Variants in LDB3 observed in about 807,000 individuals in gnomAD.
The protein encoded by LDB3 is LIM domain-binding protein 3.
A neutral mutation model predicts 69.0 loss-of-function variants in LDB3; 49 were observed. That is an observed-to-expected ratio of 0.71 (90% CI 0.56 to 0.90). LDB3 has a LOEUF of 0.90. Among genes scored for constraint, LDB3 ranks in the 40% least tolerant of loss-of-function variants. LDB3 has a pLI of 0.00. For missense variants in LDB3, 928 were observed against 974.1 expected (o/e 0.95, Z 0.63); for synonymous variants, 387 against 396.2 (o/e 0.98, Z 0.28).
chr10:86,706,557 G>C lies in LDB3; in HGVS notation c.923G>C (p.Cys308Ser), dbSNP rs1846451229. The change falls in exon 8 of 14, where the codon TGC becomes TCC. Residue 308 changes from cysteine to serine, a missense_variant. Cys to Ser is a moderately radical substitution (Grantham distance 112). Transcript: ENST00000361373. ...SSTPIEHAPV[C>S]TSQATTPLLP... is the part of the protein sequence containing the mutation. Reference sequence around the variant, plus strand: ...ACCCCTATTGAGCATGCGCCGGTGTGCACCAGCCAGGCCACCACCCCGCTG... The same window carrying C: ...ACCCCTATTGAGCATGCGCCGGTGTCCACCAGCCAGGCCACCACCCCGCTG... The C allele has an allele frequency of 6.2e-7, 1 of 1,612,884 alleles. No homozygotes were observed. Among genetic ancestry groups the C allele is most frequent in the African/African-American group, 1.3e-5 (1 of 75,032 alleles).
intron 4 of LDB3, among the ~76,000 whole-genome samples, chr10:86,680,976 C>T (rs1297215309): frequency 6.6e-6 from 1 of 152,226 alleles, no homozygotes. Context: ...ATGTGAGCTA[C>T]CCAATTCCTC....
In LDB3 at chr10:86,718,220, G is replaced by A. The variant is rs1403302878; in HGVS notation, c.1857+76G>A. ...TCCCCAAGATCGTGGGATCCCATTA[G>A]GAAGCCAAGAAGTTGCTGGTAACAG... On this transcript the variant is annotated intron_variant, in intron 11 of 13. Transcript: ENST00000361373. 1.3e-5 allele frequency: 18 copies of A among 1,426,508 alleles called. No individual in the cohort carries two copies. The East Asian group carries it at 2.7e-4, about 22-fold the overall frequency. 88.4% of individuals were successfully genotyped at this position (1,426,508 alleles called of 1,614,324 possible). A position where few individuals can be genotyped will look rare whatever the true frequency, so the allele number is the denominator to read the frequency against.
intron 2 of LDB3, among the ~76,000 whole-genome samples, chr10:86,675,421 T>G (rs1415297209): frequency 6.6e-6 from 1 of 152,266 alleles, no homozygotes; most frequent in Non-Finnish European, 1.5e-5. Flanking sequence ...CATCATGATC[T>G]TCTGGACACA....
intron 8 of LDB3, 116 bp downstream of exon 8, chr10:86,706,835 G>A: frequency 1.8e-6 from 2 of 1,108,356 alleles, no homozygotes; most frequent in Admixed American, 2.3e-5. Flanking sequence ...CAGGCCTAGA[G>A]GAAGCCAAGG....
intron 3 of LDB3, 74 bp downstream of exon 3, chr10:86,679,592 G>A: frequency 1.9e-6 from 3 of 1,539,950 alleles, no homozygotes; most frequent in Admixed American, 1.7e-5. Flanking sequence ...AAGAGGGATT[G>A]TCCCATAGCA....
chr10:86,704,668 C>T (rs1176501631), intron 7 of LDB3, among the ~76,000 whole-genome samples: 2 of 151,822 alleles, frequency 1.3e-5, no homozygotes, highest in African/African-American at 4.8e-5. Context: ...CAAGCTCCAC[C>T]TCCTGGGTTC....
chr10:86,676,199 C>T (rs1201136731), intron 2 of LDB3, among the ~76,000 whole-genome samples: 1 of 152,170 alleles, frequency 6.6e-6, no homozygotes, highest in African/African-American at 2.4e-5. Context: ...TCTATATTGT[C>T]CTTTCCTGTC....
At chr10:86,688,270 A>T (rs1172125042) in intron 5 of LDB3, among the ~76,000 whole-genome samples, 1 of 152,198 alleles carries the variant, frequency 6.6e-6, no homozygotes, top group Non-Finnish European at 1.5e-5. Flanking sequence ...TTCCAAAGCC[A>T]GAAAAACCGA....
chr10:86,687,069 C>A, intron 5 of LDB3: 1 of 1,613,896 alleles, frequency 6.2e-7, no homozygotes, highest in Non-Finnish European at 8.5e-7. Flanking sequence ...CCTCCCCCAG[C>A]GCCGACTACC....
chr10:86,684,934 G>C (rs979660431), intron 5 of LDB3, among the ~76,000 whole-genome samples: 2 of 152,232 alleles, frequency 1.3e-5, no homozygotes, highest in African/African-American at 4.8e-5. Flanking sequence ...TCTCAGGTCA[G>C]AGTGAGAGGA....
At chr10:86,723,912 C>T (rs987706400) in intron 12 of LDB3, among the ~76,000 whole-genome samples, 13 of 152,192 alleles carry the variant, frequency 8.5e-5, no homozygotes, top group Non-Finnish European at 1.5e-4. Context: ...CTGGAGACAG[C>T]GTAAAGCCAT....
At position 86,691,890 on chromosome 10, in the gene LDB3, T is replaced by C; in HGVS notation, c.690-6T>C. On this transcript the variant is annotated splice_region_variant and splice_polypyrimidine_tract_variant and intron_variant, in intron 5 of 13. Transcript: ENST00000361373. Reference sequence around the variant, plus strand: ...CCCTCGCCCACGGCCTCTCTCTGCATTACAGGAGCCTCCCTATTAAGGACC... The same window carrying C: ...CCCTCGCCCACGGCCTCTCTCTGCACTACAGGAGCCTCCCTATTAAGGACC... 2.5e-6 allele frequency: 4 copies of C among 1,614,040 alleles called. No homozygotes were observed. Among genetic ancestry groups the C allele is most frequent in the Non-Finnish European group, 3.4e-6 (4 of 1,180,008 alleles).
At chr10:86,700,312 C>T (rs986368382) in intron 7 of LDB3, among the ~76,000 whole-genome samples, 2 of 152,182 alleles carry the variant, frequency 1.3e-5, no homozygotes, top group Non-Finnish European at 2.9e-5. Flanking sequence ...CAGGACAGTG[C>T]ATATGGGAAT....
intron 5 of LDB3, among the ~76,000 whole-genome samples, chr10:86,682,185 GCACAGGTCCC>G (rs1433041464): frequency 6.6e-6 from 1 of 152,196 alleles, no homozygotes; most frequent in Non-Finnish European, 1.5e-5. Context: ...CAAGAGCTAT[GCACAGGTCCC>G]CACCCCTCTG....
chr10:86,719,409 G>A (rs1190246899), intron 12 of LDB3, among the ~76,000 whole-genome samples: 5 of 150,086 alleles, frequency 3.3e-5, no homozygotes, highest in Admixed American at 6.6e-5. Context: ...AAAAAAAAAT[G>A]TAGATCACAA....
intron 8 of LDB3, among the ~76,000 whole-genome samples, chr10:86,709,035 G>T (rs775223413): frequency 2.2e-4 from 34 of 152,190 alleles, no homozygotes; most frequent in Non-Finnish European, 7.3e-5. Flanking sequence ...TGGGCATGTG[G>T]TCCCCTTTGA....
chr10:86,706,736 T>G lies in LDB3; in HGVS notation c.1085+17T>G. Reference sequence around the variant, plus strand: ...CAGCCCAAGGTAACTGGGCCACAGGTGCTGGGCCTGACCCTGGGGAAGGGA... The same window carrying G: ...CAGCCCAAGGTAACTGGGCCACAGGGGCTGGGCCTGACCCTGGGGAAGGGA... On this transcript the variant is annotated intron_variant, in intron 8 of 13. Coordinates refer to ENST00000361373, the MANE Select transcript of LDB3 (RefSeq NM_007078.3). The G allele has an allele frequency of 6.2e-7, 1 of 1,602,754 alleles. No individual in the cohort carries two copies. Among genetic ancestry groups the G allele is most frequent in the Non-Finnish European group, 8.5e-7 (1 of 1,174,716 alleles).
chr10:86,719,866 T>C (rs1374316128), intron 12 of LDB3, among the ~76,000 whole-genome samples: 4 of 152,200 alleles, frequency 2.6e-5, no homozygotes, highest in African/African-American at 7.2e-5. Context: ...ACTCATTTAT[T>C]CAGAGGCTTC....
intron 2 of LDB3, among the ~76,000 whole-genome samples, chr10:86,670,030 T>C (rs1039146722): frequency 2.0e-5 from 3 of 151,412 alleles, no homozygotes; most frequent in African/African-American, 7.3e-5. Context: ...AGGAGTAATC[T>C]TTTTTTTGTT....
Sources: allele counts gnomAD v4.1 joint callset (sites outside exome capture counted in the v4.1 genomes callset), GRCh38; gene constraint gnomAD v4.1.1; transcripts MANE v1.5; gene names NCBI Gene and HGNC (gene_info 2026-07-23, HGNC 2026-07-21).